Variants in ZNF846 observed in about 807,000 individuals in gnomAD.
The protein encoded by ZNF846 is zinc finger protein 420 pseudogene.
A neutral mutation model predicts 16.0 loss-of-function variants in ZNF846; 15 were observed. The ratio of observed to expected loss-of-function variants is 0.94; its 90% confidence interval spans 0.63 to 1.45. The LOEUF is 1.45. Among genes scored for constraint, ZNF846 ranks in the 40% most tolerant of loss-of-function variants. The probability of loss-of-function intolerance (pLI) is 0.00; values close to 1 mark genes in which losing one functional copy is unlikely to be tolerated. For missense variants in ZNF846, 714 were observed against 622.3 expected, an observed-to-expected ratio of 1.15 and a Z score of -1.57; for synonymous variants, 229 against 212.0, an observed-to-expected ratio of 1.08 and a Z score of -0.70.
downstream of ZNF846, among the ~76,000 whole-genome samples, chr19:9,750,375 G>A (rs559621541): frequency 5.3e-5 from 8 of 152,132 alleles, no homozygotes; most frequent in Non-Finnish European, 8.8e-5. Context: ...TTCCCTCTAC[G>A]CAGTTGCACC....
chr19:9,753,991 A>G (rs2045109327), downstream of ZNF846, among the ~76,000 whole-genome samples: 1 of 151,608 alleles, frequency 6.6e-6, no homozygotes, highest in Non-Finnish European at 1.5e-5. Flanking sequence ...GAGGTCTCCA[A>G]TTGTTATGCA....
At chr19:9,758,171 T>C (rs1200763167) in exon 6 of ZNF846, 1 of 1,613,284 alleles carries the variant, frequency 6.2e-7, no homozygotes, top group Non-Finnish European at 8.5e-7. Flanking sequence ...CACTGTGGAT[T>C]CTTGTATGAT....
chr19:9,765,540 G>A (rs538790492), intron 1 of ZNF846, among the ~76,000 whole-genome samples: 32 of 152,202 alleles, frequency 2.1e-4, no homozygotes, highest in African/African-American at 7.7e-4. Context: ...GGGCATGGCG[G>A]CGTGTGCCTG....
intron 1 of ZNF846, among the ~76,000 whole-genome samples, chr19:9,779,079 T>C (rs985662417): frequency 1.3e-5 from 2 of 152,198 alleles, no homozygotes; most frequent in African/African-American, 4.8e-5. Flanking sequence ...ATTTTTCATT[T>C]GTAAAATGAG....
At chr19:9,766,605 T>C (rs558993625) in intron 1 of ZNF846, among the ~76,000 whole-genome samples, 1 of 152,108 alleles carries the variant, frequency 6.6e-6, no homozygotes, top group East Asian at 1.9e-4. Flanking sequence ...TAGCTGGGCA[T>C]GGTGGCTCAC....
chr19:9,775,057 C>T, intron 1 of ZNF846: 1 of 1,072,464 alleles, frequency 9.3e-7, no homozygotes, highest in Non-Finnish European at 1.4e-6. Flanking sequence ...TTGACACGTG[C>T]CACCGCCTGA....
In ZNF846 at chr19:9,762,035, A is replaced by G. The variant is rs201989037; in HGVS notation, c.229+47T>C. On this transcript the variant is annotated intron_variant, in intron 4 of 5. Transcript: ENST00000397902. ...ATTTCCAATGTACTGCATGTCTCCT[A>G]GGGTGGCACAGCAGTGCCATAATAC... 1.4e-3 allele frequency: 2,148 copies of G among 1,483,152 alleles called. 2 individuals carry two copies. The highest frequency in any genetic ancestry group is 1.7e-3 in the Non-Finnish European group (1,833 of 1,060,904). The allele number at this position is 1,483,152 out of a possible 1,614,324, so 91.9% of individuals were successfully genotyped here.
At chr19:9,754,393 G>C (rs1166373504), downstream of ZNF846, among the ~76,000 whole-genome samples, 1 of 151,026 alleles carries the variant, frequency 6.6e-6, no homozygotes, top group African/African-American at 2.5e-5. Context: ...GCAAAACCCT[G>C]TCTCTACTAA....
At chr19:9,785,037 G>C (rs887880297) in intron 1 of ZNF846, among the ~76,000 whole-genome samples, 2 of 151,938 alleles carry the variant, frequency 1.3e-5, no homozygotes, top group Non-Finnish European at 2.9e-5. Flanking sequence ...TTCCCCACAA[G>C]TAACAGTCTG....
At chr19:9,764,627 C>T (rs2045284702) in intron 2 of ZNF846, among the ~76,000 whole-genome samples, 3 of 152,154 alleles carry the variant, frequency 2.0e-5, no homozygotes, top group South Asian at 2.1e-4. Flanking sequence ...GACCAGAAGG[C>T]GGTGACCCCC....
downstream of ZNF846, among the ~76,000 whole-genome samples, chr19:9,752,614 CAAAAAAA>C (rs34675292): frequency 4.1e-4 from 37 of 91,340 alleles, no homozygotes; most frequent in East Asian, 9.3e-3. Context: ...GACTTCATCC[CAAAAAAA>C]AAAAAAAAAA....
At chr19:9,763,337 C>T in exon 3 of ZNF846, 1 of 1,612,064 alleles carries the variant, frequency 6.2e-7, no homozygotes, top group South Asian at 1.1e-5. Flanking sequence ...AGAGATCTCT[C>T]TGGGCTTGAT....
At chr19:9,760,300 A>T (rs2145209430) in intron 4 of ZNF846, among the ~76,000 whole-genome samples, 1 of 151,440 alleles carries the variant, frequency 6.6e-6, no homozygotes, top group Non-Finnish European at 1.5e-5. Flanking sequence ...TCAAAAAAAA[A>T]AAATGCCTAA....
chr19:9,765,073 C>T (rs2045293634), intron 1 of ZNF846, 38 bp from the exon 2 acceptor site: 7 of 1,122,256 alleles, frequency 6.2e-6, no homozygotes, highest in South Asian at 3.7e-5. Context: ...TTGGATACAT[C>T]AAAGAAAAAG....
downstream of ZNF846, among the ~76,000 whole-genome samples, chr19:9,754,834 C>T (rs929646048): frequency 6.7e-6 from 1 of 149,886 alleles, no homozygotes; most frequent in Non-Finnish European, 1.5e-5. Flanking sequence ...GTGTATATTC[C>T]ATTGATATTT....
chr19:9,757,452 A>T (rs2045148782), downstream of ZNF846: 3 of 1,526,052 alleles, frequency 2.0e-6, no homozygotes, highest in Non-Finnish European at 2.6e-6. Context: ...TTTAGATGTA[A>T]ATACTAAGAT....
At chr19:9,770,742 A>G (rs955486563), upstream of ZNF846, among the ~76,000 whole-genome samples, 1 of 151,786 alleles carries the variant, frequency 6.6e-6, no homozygotes. Context: ...GGTGGTGCGC[A>G]CCTGTAATCC....
intron 1 of ZNF846, among the ~76,000 whole-genome samples, chr19:9,783,212 A>G (rs1368261748): frequency 7.8e-6 from 1 of 128,994 alleles, no homozygotes. Context: ...ACTTCTCCCT[A>G]TAATTCTTTT....
At chr19:9,760,438 T>C (rs1243908160) in intron 4 of ZNF846, among the ~76,000 whole-genome samples, 1 of 151,452 alleles carries the variant, frequency 6.6e-6, no homozygotes, top group Non-Finnish European at 1.5e-5. Flanking sequence ...TGGTGGTTCA[T>C]GCCTATAATC....
Sources: gnomAD v4.1 joint callset for allele counts (sites outside exome capture counted in the v4.1 genomes callset) on GRCh38, gnomAD v4.1.1 for gene constraint, MANE v1.5 for transcripts, NCBI Gene and HGNC (gene_info 2026-07-23, HGNC 2026-07-21) for gene names.